FARP1: variants seen among roughly 807,000 people sequenced by gnomAD.
FARP1 encodes the protein FERM, ARH/RhoGEF and pleckstrin domain protein 1, also known as FERM, ARHGEF and pleckstrin domain-containing protein 1.
FARP1 carries 52 observed loss-of-function variants against 128.8 expected under a neutral mutation model. The observed-to-expected ratio is 0.40, with a 90% CI of 0.32 to 0.51. The LOEUF is 0.51. FARP1 is among the 20% of genes least tolerant of loss of function. The probability of loss-of-function intolerance (pLI) is 0.45; values close to 1 mark genes in which losing one functional copy is unlikely to be tolerated. For missense variants in FARP1, 1,333 were observed against 1,367.9 expected, an observed-to-expected ratio of 0.97 and a Z score of 0.40; for synonymous variants, 580 against 551.8, an observed-to-expected ratio of 1.05 and a Z score of -0.72.
At chr13:98,163,956 G>T (rs1376665044) in intron 1 of FARP1, among the ~76,000 whole-genome samples, 1 of 152,080 alleles carries the variant, frequency 6.6e-6, no homozygotes, top group African/African-American at 2.4e-5. Context: ...TTATCCGCCC[G>T]CCTCAGCCTC....
Position 98,412,019 on chromosome 13 carries a change from A to G in FARP1, c.1811A>G (p.Gln604Arg). The change falls in exon 16 of 27, where the codon CAA becomes CGA. Residue 604 changes from glutamine to arginine, a missense_variant. Around this residue, in one of 2 missense-constraint regions of FARP1, gnomAD observed 1,009 missense variants for 969.8 expected, o/e 1.04. Coordinates refer to ENST00000319562, the MANE Select transcript of FARP1 (RefSeq NM_005766.4). Reference protein sequence around the residue: ...FHTNFLKEIEQRLALWEGRSN... With the variant: ...FHTNFLKEIERRLALWEGRSN... Reference sequence around the variant, plus strand: ...ACTAATTTTCTCAAGGAAATTGAGCAACGACTTGCCCTGTGGTGAGTACAT... The same window carrying G: ...ACTAATTTTCTCAAGGAAATTGAGCGACGACTTGCCCTGTGGTGAGTACAT... 1 of 1,614,144 alleles carries G rather than the reference A, an allele frequency of 6.2e-7. No homozygotes were observed. The highest frequency in any genetic ancestry group is 1.1e-5 in the South Asian group (1 of 91,086).
chr13:98,387,215 C>T (rs761587802), intron 8 of FARP1, among the ~76,000 whole-genome samples: 4 of 152,084 alleles, frequency 2.6e-5, no homozygotes, highest in South Asian at 2.1e-4. Flanking sequence ...GCAGGAGAAT[C>T]GCTTGAATTT....
At chr13:98,257,019 T>C (rs1883652153) in intron 2 of FARP1, among the ~76,000 whole-genome samples, 1 of 141,998 alleles carries the variant, frequency 7.0e-6, no homozygotes, top group Non-Finnish European at 1.5e-5. Flanking sequence ...TGAAGGAAAG[T>C]TTGGTTTTAT....
chr13:98,384,140 A>G (rs1345923795), intron 6 of FARP1: 4 of 149,658 alleles, frequency 2.7e-5, no homozygotes, highest in African/African-American at 9.9e-5. Context: ...GGGAGAAAAG[A>G]AAAACCGGGA....
At chr13:98,160,821 C>A (rs151160272) in intron 1 of FARP1, among the ~76,000 whole-genome samples, 1 of 152,120 alleles carries the variant, frequency 6.6e-6, no homozygotes, top group Admixed American at 6.5e-5. Flanking sequence ...CACTACCATG[C>A]CTGGCTAATT....
Position 98,449,240 on chromosome 13 carries a change from C to T in FARP1, c.*923C>T, listed in dbSNP as rs1893062982. 1 of 152,254 alleles carries T rather than the reference C, an allele frequency of 6.6e-6. No homozygotes were observed. The highest frequency in any genetic ancestry group is 1.5e-5 in the Non-Finnish European group (1 of 68,064). The allele number at this position is 152,254 out of a possible 1,614,324, so 9.4% of individuals were successfully genotyped here. ...AATCATGGTACGTAGTCCCCGGCAC[C>T]TGTCGTTATTCCTATATCCTCCTGC... is the stretch of plus-strand genomic sequence containing the variant. On this transcript the variant is annotated 3_prime_UTR_variant, in exon 27 of 27. Coordinates refer to ENST00000319562, the MANE Select transcript of FARP1 (RefSeq NM_005766.4).
At chr13:98,245,261 T>C in intron 2 of FARP1, 1 of 985,200 alleles carries the variant, frequency 1.0e-6, no homozygotes, top group Non-Finnish European at 1.2e-6. Flanking sequence ...GATTGTTAAT[T>C]GTAAAGCCAT....
intron 2 of FARP1, among the ~76,000 whole-genome samples, chr13:98,262,137 T>C (rs1238392501): frequency 1.3e-5 from 2 of 150,254 alleles, no homozygotes; most frequent in Non-Finnish European, 3.0e-5. Context: ...AGCTTCAACC[T>C]CCCAAGTAGC....
chr13:98,391,214 G>A (rs1312248608), intron 11 of FARP1, among the ~76,000 whole-genome samples: 1 of 152,200 alleles, frequency 6.6e-6, no homozygotes, highest in East Asian at 1.9e-4. Context: ...AATATTTTGG[G>A]ATTTGTATTG....
chr13:98,365,273 G>A, intron 3 of FARP1, 122 bp from the exon 4 acceptor site: 1 of 669,568 alleles, frequency 1.5e-6, no homozygotes, highest in Non-Finnish European at 2.6e-6. Context: ...GAGAAAAATG[G>A]AACAGGCGGC....
chr13:98,282,600 T>C (rs968180209), intron 2 of FARP1, among the ~76,000 whole-genome samples: 19 of 152,260 alleles, frequency 1.2e-4, no homozygotes, highest in Non-Finnish European at 5.9e-5. Context: ...ATTAAAAGAT[T>C]TGACCTTAAA....
At chr13:98,353,437 G>T (rs555572533) in intron 3 of FARP1, among the ~76,000 whole-genome samples, 10 of 152,316 alleles carry the variant, frequency 6.6e-5, no homozygotes, top group Non-Finnish European at 1.0e-4. Flanking sequence ...GGAGTGGAAT[G>T]GTGCAATCTC....
At chr13:98,250,758 A>C (rs1883285552) in intron 2 of FARP1, among the ~76,000 whole-genome samples, 1 of 152,028 alleles carries the variant, frequency 6.6e-6, no homozygotes, top group African/African-American at 2.4e-5. Context: ...AAAATATATA[A>C]CACTACCAGT....
chr13:98,169,051 A>AT (rs1877472425), intron 1 of FARP1, among the ~76,000 whole-genome samples: 1 of 152,086 alleles, frequency 6.6e-6, no homozygotes, highest in South Asian at 2.1e-4. Flanking sequence ...AAGATAATTC[A>AT]TTTTTTAAAA....
chr13:98,201,338 G>A (rs1879929614), intron 1 of FARP1, among the ~76,000 whole-genome samples: 1 of 152,228 alleles, frequency 6.6e-6, no homozygotes, highest in Non-Finnish European at 1.5e-5. Context: ...CTATTCAGGA[G>A]GCTGAACGGG....
chr13:98,178,189 ATTTTTTTTTTT>A (rs57310501), intron 1 of FARP1, among the ~76,000 whole-genome samples: 1 of 112,990 alleles, frequency 8.9e-6, no homozygotes, highest in Non-Finnish European at 1.8e-5. Flanking sequence ...ATCATTTTTA[ATTTTTTTTTTT>A]TTTTTTTTTT....
intron 1 of FARP1, among the ~76,000 whole-genome samples, chr13:98,191,186 A>G (rs960439248): frequency 1.4e-4 from 22 of 151,932 alleles, no homozygotes; most frequent in South Asian, 6.2e-4. Flanking sequence ...TGTTTTTCCT[A>G]TTTCCAGGAG....
intron 15 of FARP1, among the ~76,000 whole-genome samples, chr13:98,411,578 T>A (rs1203137205): frequency 6.6e-6 from 1 of 152,176 alleles, no homozygotes; most frequent in Non-Finnish European, 1.5e-5. Flanking sequence ...GGTCATAAAT[T>A]AGTGGTTATC....
chr13:98,214,586 C>T (rs972361059), intron 2 of FARP1, among the ~76,000 whole-genome samples: 9 of 152,080 alleles, frequency 5.9e-5, no homozygotes, highest in South Asian at 2.1e-4. Flanking sequence ...TATGAGTCAG[C>T]GAATTATATT....
Sources: allele counts gnomAD v4.1 joint callset (sites outside exome capture counted in the v4.1 genomes callset), GRCh38; gene constraint gnomAD v4.1.1; regional missense constraint gnomAD v4.1.1; transcripts MANE v1.5; gene names NCBI Gene and HGNC (gene_info 2026-07-23, HGNC 2026-07-21).